The following SNTB1 variants were observed in gnomAD, a reference collection of about 807,000 sequenced individuals.
SNTB1 encodes the protein beta-1-syntrophin.
Under a neutral mutation model 48.9 loss-of-function variants are expected in SNTB1, and 36 were observed. That is an observed-to-expected ratio of 0.74 (90% CI 0.56 to 0.97). The LOEUF is 0.97. Ranked by LOEUF, SNTB1 falls within the 50% of genes least tolerant of loss-of-function variation. The pLI is 0.00. For synonymous variants in SNTB1, 299 were observed against 294.6 expected (o/e 1.01, Z -0.15); for missense variants, 786 against 703.4 (o/e 1.12, Z -1.33).
At chr8:120,787,361 A>C (rs1819941647) in intron 1 of SNTB1, among the ~76,000 whole-genome samples, 1 of 152,190 alleles carries the variant, frequency 6.6e-6, no homozygotes, top group African/African-American at 2.4e-5. Context: ...ACTCTACAGC[A>C]GTGGATTCAA....
chr8:120,712,102 T>C (rs941864521), intron 1 of SNTB1, among the ~76,000 whole-genome samples: 3 of 152,096 alleles, frequency 2.0e-5, no homozygotes, highest in African/African-American at 7.2e-5. Flanking sequence ...TTGGAATAAA[T>C]TTTCTTTCAG....
intron 1 of SNTB1, among the ~76,000 whole-genome samples, chr8:120,732,927 C>T (rs1818875541): frequency 6.6e-6 from 1 of 152,182 alleles, no homozygotes. Flanking sequence ...CCTGTCTATG[C>T]TTTAAGGAGT....
chr8:120,615,368 A>G (rs1407451195), intron 3 of SNTB1, among the ~76,000 whole-genome samples: 4 of 152,162 alleles, frequency 2.6e-5, no homozygotes, highest in African/African-American at 9.7e-5. Context: ...TTCTCAGCTG[A>G]GGGCTCACCG....
intron 1 of SNTB1, among the ~76,000 whole-genome samples, chr8:120,766,727 G>T (rs1236788750): frequency 6.6e-6 from 1 of 152,084 alleles, no homozygotes; most frequent in Admixed American, 6.6e-5. Flanking sequence ...TAGTCATTAG[G>T]TAATGAATGC....
intron 3 of SNTB1, among the ~76,000 whole-genome samples, chr8:120,604,738 G>A (rs541615934): frequency 7.9e-5 from 12 of 152,224 alleles, no homozygotes; most frequent in South Asian, 4.1e-4. Context: ...GGTGTGAATC[G>A]CCATGCCTGG....
intron 3 of SNTB1, among the ~76,000 whole-genome samples, chr8:120,613,273 C>T (rs1253516386): frequency 5.3e-5 from 8 of 152,050 alleles, no homozygotes; most frequent in Admixed American, 2.0e-4. Context: ...ATTGCTTGAA[C>T]CCAGGAGGTG....
Position 120,536,114 on chromosome 8 carries a change from T to C in SNTB1, c.*2763A>G, listed in dbSNP as rs1353755264. The C allele has an allele frequency of 3.3e-5, 5 of 152,198 alleles. No individual in the cohort carries two copies. The highest frequency in any genetic ancestry group is 1.2e-4 in the African/African-American group (5 of 41,444). 9.4% of individuals were successfully genotyped at this position (152,198 alleles called of 1,614,324 possible). A position where few individuals can be genotyped will look rare whatever the true frequency, so the allele number is the denominator to read the frequency against. On this transcript the variant is annotated 3_prime_UTR_variant, in exon 7 of 7. Transcript: ENST00000517992. Reference sequence around the variant, plus strand: ...TTATGGTTTGGTTTCTCCTACTTAGTTCAAGTCAGAGAAAGAAAAACCAAT... The same window carrying C: ...TTATGGTTTGGTTTCTCCTACTTAGCTCAAGTCAGAGAAAGAAAAACCAAT...
At chr8:120,792,595 C>T (rs1820055162) in intron 1 of SNTB1, among the ~76,000 whole-genome samples, 1 of 151,936 alleles carries the variant, frequency 6.6e-6, no homozygotes, top group Non-Finnish European at 1.5e-5. Flanking sequence ...AGCCAAGTAC[C>T]GTGGCAAGTC....
intron 3 of SNTB1, among the ~76,000 whole-genome samples, chr8:120,591,821 G>A (rs1250743572): frequency 6.6e-6 from 1 of 152,042 alleles, no homozygotes; most frequent in East Asian, 1.9e-4. Context: ...GATAAAGAAG[G>A]TGATTTCCTT....
intron 1 of SNTB1, among the ~76,000 whole-genome samples, chr8:120,752,046 A>G (rs1465490687): frequency 6.6e-6 from 1 of 152,176 alleles, no homozygotes; most frequent in Non-Finnish European, 1.5e-5. Flanking sequence ...AACCTCTCCC[A>G]AACACTGGTT....
intron 1 of SNTB1, among the ~76,000 whole-genome samples, chr8:120,729,993 A>C (rs1818824672): frequency 6.6e-6 from 1 of 152,214 alleles, no homozygotes; most frequent in South Asian, 2.1e-4. Context: ...CAGTTGTCTC[A>C]CTCAACATAC....
chr8:120,683,030 C>T (rs1209925658), intron 2 of SNTB1, among the ~76,000 whole-genome samples: 5 of 151,630 alleles, frequency 3.3e-5, no homozygotes, highest in Admixed American at 6.6e-5. Flanking sequence ...TACAGGCGCC[C>T]GCCACTGCGC....
intron 3 of SNTB1, among the ~76,000 whole-genome samples, chr8:120,583,895 T>A (rs1165941743): frequency 6.6e-6 from 1 of 152,180 alleles, no homozygotes; most frequent in African/African-American, 2.4e-5. Context: ...TAATACATCA[T>A]GACTAAGCAG....
At position 120,632,586 on chromosome 8, in the gene SNTB1, G is replaced by A. The variant is rs1199714246; in HGVS notation, c.854C>T (p.Thr285Met). 3.1e-6 allele frequency: 5 copies of A among 1,614,158 alleles called. No homozygotes were observed. Among genetic ancestry groups the A allele is most frequent in the South Asian group, 1.1e-5 (1 of 91,078 alleles). Residue 285 changes from threonine to methionine, a missense_variant, in exon 3 of 7, where the codon ACG becomes ATG. By Grantham distance (81) the Thr-to-Met change is moderately conservative (BLOSUM62 -1). Transcript: ENST00000517992. ...GATGGCACTGAACCATGCCTGGGCC[G>A]TGGCTGAGTCCTTGCTCCTTAGGAT... ...TVILRSKDSA[T>M]AQAWFSAIHS...
intron 2 of SNTB1, among the ~76,000 whole-genome samples, chr8:120,650,309 C>G (rs559704970): frequency 6.6e-6 from 1 of 152,256 alleles, no homozygotes; most frequent in African/African-American, 2.4e-5. Context: ...CTCTCACTGA[C>G]AACACGTGAG....
chr8:120,659,118 C>T (rs1300478020), intron 2 of SNTB1, among the ~76,000 whole-genome samples: 1 of 152,098 alleles, frequency 6.6e-6, no homozygotes, highest in African/African-American at 2.4e-5. Context: ...CGCACGCCAC[C>T]ATGTCTGGTT....
At chr8:120,680,482 C>A (rs1817913309) in intron 2 of SNTB1, among the ~76,000 whole-genome samples, 1 of 152,122 alleles carries the variant, frequency 6.6e-6, no homozygotes, top group Non-Finnish European at 1.5e-5. Context: ...AGATACACAC[C>A]TTATATGTCC....
intron 2 of SNTB1, among the ~76,000 whole-genome samples, chr8:120,660,831 G>T (rs919331030): frequency 6.6e-6 from 1 of 152,140 alleles, no homozygotes; most frequent in African/African-American, 2.4e-5. Flanking sequence ...CTTCAAAGAG[G>T]TATTCACTGG....
chr8:120,587,113 T>G (rs1816156583), intron 3 of SNTB1, among the ~76,000 whole-genome samples: 1 of 152,130 alleles, frequency 6.6e-6, no homozygotes, highest in East Asian at 1.9e-4. Context: ...TTCAGCTACT[T>G]GGGAGGTTGA....
Sources: gnomAD v4.1 joint callset for allele counts (sites outside exome capture counted in the v4.1 genomes callset) on GRCh38, gnomAD v4.1.1 for gene constraint, MANE v1.5 for transcripts, NCBI Gene and HGNC (gene_info 2026-07-23, HGNC 2026-07-21) for gene names.